Variants in OR5V1 observed in about 807,000 individuals in gnomAD.
OR5V1 encodes the protein olfactory receptor 5V1.
For synonymous variants in OR5V1, 134 were observed against 143.2 expected (o/e 0.94, Z 0.46); for missense variants, 365 against 371.5 (o/e 0.98, Z 0.14).
intron 1 of OR5V1, among the ~76,000 whole-genome samples, chr6:29,356,910 G>A (rs1407141581): frequency 6.6e-6 from 1 of 152,000 alleles, no homozygotes; most frequent in East Asian, 1.9e-4. Flanking sequence ...TCTTTGAGTT[G>A]TATTCAAGTA....
chr6:29,366,383 T>C (rs1251571547), intron 1 of OR5V1, among the ~76,000 whole-genome samples: 1 of 149,020 alleles, frequency 6.7e-6, no homozygotes, highest in Non-Finnish European at 1.5e-5. Context: ...GTTTTGGCCA[T>C]GCTGAATTTG....
Position 29,360,925 on chromosome 6 carries a change from C to A in OR5V1, c.-82-4648G>T, listed in dbSNP as rs116166923. 7.0e-3 allele frequency among the ~76,000 whole-genome samples: 1,068 copies of A among 152,170 alleles called. 9 individuals carry two copies. Among genetic ancestry groups the A allele is most frequent in the Non-Finnish European group, 0.011 (716 of 67,986 alleles). On this transcript the variant is annotated intron_variant, in intron 1 of 1. Coordinates refer to ENST00000641768, the MANE Select transcript of OR5V1 (RefSeq NM_030876.6). ...TCTCCAGCAAGTGCACAAAACTGGG[C>A]AGAGAATGAGTTTGATGAATTCACA...
chr6:29,355,351 G>C lies in OR5V1; in HGVS notation c.845C>G (p.Thr282Ser). ...GTAAATTATAGGGTTTAGCATGGGG[G>C]TAACAACACTGTACAACACTGAAAC... ...RLVSVLYSVVTPMLNPIIYTL... is the reference protein window; with the variant it reads ...RLVSVLYSVVSPMLNPIIYTL... The change falls in exon 2 of 2, where the codon ACC becomes AGC. Residue 282 changes from threonine to serine, a missense_variant. Thr to Ser is a moderately conservative substitution (Grantham distance 58). Coordinates refer to ENST00000641768, the MANE Select transcript of OR5V1 (RefSeq NM_030876.6). 1 of 1,613,970 alleles carries C rather than the reference G, an allele frequency of 6.2e-7. No individual in the cohort carries two copies. The highest frequency in any genetic ancestry group is 1.7e-5 in the Admixed American group (1 of 60,006).
chr6:29,362,873 A>G (rs1425539517), intron 1 of OR5V1, among the ~76,000 whole-genome samples: 3 of 152,268 alleles, frequency 2.0e-5, no homozygotes, highest in South Asian at 2.1e-4. Context: ...ACCCCCTAAC[A>G]TCACAATTAA....
At chr6:29,368,415 A>G (rs753364732) in intron 1 of OR5V1, among the ~76,000 whole-genome samples, 7 of 152,144 alleles carry the variant, frequency 4.6e-5, no homozygotes, top group Non-Finnish European at 1.0e-4. Context: ...AAATTACCCA[A>G]AATGAAAGAA....
At chr6:29,367,278 G>A (rs762094537) in intron 1 of OR5V1, among the ~76,000 whole-genome samples, 70 of 152,044 alleles carry the variant, frequency 4.6e-4, no homozygotes, top group Middle Eastern at 3.4e-3. Flanking sequence ...AAATCTATAG[G>A]CATTTGTTTC....
In OR5V1 at chr6:29,355,406, A is replaced by T. The variant is rs748343693; in HGVS notation, c.790T>A (p.Ser264Thr). 1 of 1,614,030 alleles carries T rather than the reference A, an allele frequency of 6.2e-7. No individual in the cohort carries two copies. Among genetic ancestry groups the T allele is most frequent in the Non-Finnish European group, 8.5e-7 (1 of 1,179,888 alleles). ...SAIFTYVRPI[S>T]TYSLKKDRLV... ...CTATCTTTCTTTAATGAGTAAGTTGAGATGGGCCGTACATATGTAAAGATG... is the reference window on the plus strand; with the variant it reads ...CTATCTTTCTTTAATGAGTAAGTTGTGATGGGCCGTACATATGTAAAGATG... Residue 264 changes from serine to threonine, a missense_variant, in exon 2 of 2, where the codon TCA becomes ACA. Ser to Thr is a moderately conservative substitution (Grantham distance 58). Coordinates refer to ENST00000641768, the MANE Select transcript of OR5V1 (RefSeq NM_030876.6).
intron 1 of OR5V1, among the ~76,000 whole-genome samples, chr6:29,366,289 C>T (rs1384394492): frequency 1.5e-5 from 2 of 134,864 alleles, no homozygotes; most frequent in East Asian, 4.4e-4. Context: ...CCTGCACATT[C>T]TGCATATGTA....
intron 1 of OR5V1, among the ~76,000 whole-genome samples, chr6:29,366,479 A>AT (rs1489187355): frequency 2.0e-5 from 3 of 152,140 alleles, no homozygotes; most frequent in African/African-American, 7.2e-5. Context: ...AGAGATACGA[A>AT]TTTGTAACAC....
chr6:29,356,836 G>T (rs1011510104), intron 1 of OR5V1, among the ~76,000 whole-genome samples: 16 of 152,002 alleles, frequency 1.1e-4, no homozygotes, highest in African/African-American at 3.9e-4. Flanking sequence ...AGGATCAAAA[G>T]TACCTATTTT....
In OR5V1 at chr6:29,354,084, G is replaced by C. The variant is rs1278095348; in HGVS notation, c.*1146C>G. 1 of 152,050 alleles carries C rather than the reference G, an allele frequency of 6.6e-6. No homozygotes were observed. The highest frequency in any genetic ancestry group is 1.5e-5 in the Non-Finnish European group (1 of 67,964). The allele number at this position is 152,050 out of a possible 1,614,324, so 9.4% of individuals were successfully genotyped here. ...GACTTAATCAAGGGAGGCATCAGTA[G>C]GTATGGGAAGAAAAAGAAGACGGTC... On this transcript the variant is annotated 3_prime_UTR_variant, in exon 2 of 2. Coordinates refer to ENST00000641768, the MANE Select transcript of OR5V1 (RefSeq NM_030876.6).
chr6:29,355,126 C>T lies in OR5V1; in HGVS notation c.*104G>A. The T allele has an allele frequency of 8.6e-7, 1 of 1,158,058 alleles. No homozygotes were observed. The highest frequency in any genetic ancestry group is 1.2e-6 in the Non-Finnish European group (1 of 834,286). The allele number at this position is 1,158,058 out of a possible 1,614,324, so 71.7% of individuals were successfully genotyped here. Reference sequence around the variant, plus strand: ...CTTAGACTGGAGTGTATCAACTCTTCAATATCTGTCCCAACATTGCAATTA... The same window carrying T: ...CTTAGACTGGAGTGTATCAACTCTTTAATATCTGTCCCAACATTGCAATTA... On this transcript the variant is annotated 3_prime_UTR_variant, in exon 2 of 2. Transcript: ENST00000641768.
intron 1 of OR5V1, among the ~76,000 whole-genome samples, chr6:29,360,192 T>G (rs957512804): frequency 1.3e-5 from 2 of 152,202 alleles, no homozygotes; most frequent in African/African-American, 4.8e-5. Flanking sequence ...GCAAAGTGGC[T>G]GTGGCCAGAC....
At chr6:29,357,674 T>G (rs1778380212) in intron 1 of OR5V1, among the ~76,000 whole-genome samples, 1 of 152,172 alleles carries the variant, frequency 6.6e-6, no homozygotes, top group Non-Finnish European at 1.5e-5. Context: ...AGTGTAGTTT[T>G]TTATTTCCTG....
rs1322633929 is a variant in OR5V1, at chr6:29,354,153, C to T, written c.*1077G>A. The T allele has an allele frequency of 4.6e-5, 7 of 152,034 alleles. No homozygotes were observed. Among genetic ancestry groups the T allele is most frequent in the African/African-American group, 1.7e-4 (7 of 41,430 alleles). The allele number at this position is 152,034 out of a possible 1,614,324, so 9.4% of individuals were successfully genotyped here. On this transcript the variant is annotated 3_prime_UTR_variant, in exon 2 of 2. Transcript: ENST00000641768. ...AAGACACTAGACAACTTGTATCTACCTGATCTATAAGCCTTTTTCTATCTC... is the reference window on the plus strand; with the variant it reads ...AAGACACTAGACAACTTGTATCTACTTGATCTATAAGCCTTTTTCTATCTC...
intron 1 of OR5V1, among the ~76,000 whole-genome samples, chr6:29,356,877 A>G (rs986212084): frequency 2.6e-5 from 4 of 152,158 alleles, no homozygotes; most frequent in Admixed American, 6.6e-5. Context: ...TTCCGTGGCA[A>G]TACATTTTAT....
rs1299974959 is a variant in OR5V1 at position 29,353,779 on chromosome 6, G to T, written c.*1451C>A. On this transcript the variant is annotated 3_prime_UTR_variant, in exon 2 of 2. Transcript: ENST00000641768. ...GAAAGATCAAGCCATACCTGGAGAA[G>T]AATTATTTAGGGTTCCTGCAGGAGA... 11 of 152,044 alleles carry T rather than the reference G, an allele frequency of 7.2e-5. No individual in the cohort carries two copies. The highest frequency in any genetic ancestry group is 2.7e-4 in the African/African-American group (11 of 41,414). 9.4% of individuals were successfully genotyped at this position (152,044 alleles called of 1,614,324 possible).
At chr6:29,366,226 C>G (rs897364100) in intron 1 of OR5V1, among the ~76,000 whole-genome samples, 13 of 150,156 alleles carry the variant, frequency 8.7e-5, no homozygotes, top group African/African-American at 3.2e-4. Flanking sequence ...ACCGAGATGA[C>G]GTGTTGATCA....
At chr6:29,361,606 GA>G (rs1778568943) in intron 1 of OR5V1, among the ~76,000 whole-genome samples, 1 of 152,114 alleles carries the variant, frequency 6.6e-6, no homozygotes, top group Non-Finnish European at 1.5e-5. Flanking sequence ...CCACAAGCCA[GA>G]AGAGAGTGGG....
Sources: gnomAD v4.1 joint callset for allele counts (sites outside exome capture counted in the v4.1 genomes callset) on GRCh38, gnomAD v4.1.1 for gene constraint, MANE v1.5 for transcripts, NCBI Gene and HGNC (gene_info 2026-07-23, HGNC 2026-07-21) for gene names.